STARD3NL: variants seen among roughly 807,000 people sequenced by gnomAD.
The protein encoded by STARD3NL is STARD3 N-terminal like.
Under a neutral mutation model 30.9 loss-of-function variants are expected in STARD3NL, and 17 were observed. The observed-to-expected ratio is 0.55, with a 90% CI of 0.38 to 0.82. The LOEUF is 0.82. STARD3NL is among the 40% of genes least tolerant of loss of function. The pLI is 0.00. For synonymous variants in STARD3NL, 112 were observed against 100.5 expected, an observed-to-expected ratio of 1.11 and a Z score of -0.69; for missense variants, 234 against 277.6, an observed-to-expected ratio of 0.84 and a Z score of 1.12.
At chr7:38,204,147 T>C (rs1785326680) in intron 1 of STARD3NL, among the ~76,000 whole-genome samples, 1 of 152,218 alleles carries the variant, frequency 6.6e-6, no homozygotes, top group South Asian at 2.1e-4. Context: ...AATAGACGTC[T>C]ACAGAACTCT....
At chr7:38,229,166 T>C in intron 8 of STARD3NL, among the ~76,000 whole-genome samples, 1 of 152,272 alleles carries the variant, frequency 6.6e-6, no homozygotes, top group South Asian at 2.1e-4. Flanking sequence ...TGTCATTGTT[T>C]TAATGACAGG....
At chr7:38,218,169 C>T (rs1307516903) in intron 6 of STARD3NL, among the ~76,000 whole-genome samples, 1 of 152,124 alleles carries the variant, frequency 6.6e-6, no homozygotes, top group East Asian at 1.9e-4. Context: ...AGTTTCAAGA[C>T]ATGCTGTTTT....
At chr7:38,221,903 C>T (rs936801661) in intron 7 of STARD3NL, among the ~76,000 whole-genome samples, 10 of 152,190 alleles carry the variant, frequency 6.6e-5, no homozygotes, top group African/African-American at 2.4e-4. Context: ...ATCTCCTCTG[C>T]AATCCTAGTG....
chr7:38,224,421 A>G (rs929987081), intron 7 of STARD3NL, among the ~76,000 whole-genome samples: 2 of 152,210 alleles, frequency 1.3e-5, no homozygotes, highest in African/African-American at 2.4e-5. Flanking sequence ...GTTCCCTCCA[A>G]TAATGTACAG....
chr7:38,215,132 A>G, intron 4 of STARD3NL, 27 bp downstream of exon 4: 6 of 1,610,262 alleles, frequency 3.7e-6, no homozygotes, highest in Non-Finnish European at 2.5e-6. Context: ...TGAGTGGGTC[A>G]TCTCCTCCAG....
At chr7:38,214,878 G>A in intron 3 of STARD3NL, 150 bp from the exon 4 acceptor site, 1 of 640,518 alleles carries the variant, frequency 1.6e-6, no homozygotes, top group Non-Finnish European at 2.7e-6. Flanking sequence ...GTAGAGCAGG[G>A]ATTCCCAAAT....
Position 38,215,037 on chromosome 7 carries a change from G to GT in STARD3NL, c.318dup (p.Arg107SerfsTer3). 1 of 1,613,844 alleles carries GT rather than the reference G, an allele frequency of 6.2e-7. No individual in the cohort carries two copies. Among genetic ancestry groups the GT allele is most frequent in the Non-Finnish European group, 8.5e-7 (1 of 1,179,870 alleles). On this transcript the variant is annotated frameshift_variant, in exon 4 of 9. Coordinates refer to ENST00000009041, the MANE Select transcript of STARD3NL (RefSeq NM_032016.4). LOFTEE classifies it high-confidence loss of function. ...ATTTTCTTACTTTCAGCTTCTGGCAGTTTTTCGATTTAAAGTGTTAATACT... is the reference window on the plus strand; with the variant it reads ...ATTTTCTTACTTTCAGCTTCTGGCAGTTTTTTCGATTTAAAGTGTTAATACT...
Position 38,207,542 on chromosome 7 carries a change from C to T in STARD3NL, c.38C>T (p.Thr13Ile), listed in dbSNP as rs1475102061. ...CCAGAAGACATGGAGAACGCTCTCA[C>T]CGGGAGCCAGAGCTCCCATGCTTCT... ...HLPEDMENAL[T>I]GSQSSHASLR... The change falls in exon 2 of 9, where the codon ACC becomes ATC. Residue 13 changes from threonine (T) to isoleucine (I), a missense_variant. Coordinates refer to ENST00000009041, the MANE Select transcript of STARD3NL (RefSeq NM_032016.4). The T allele has an allele frequency of 1.2e-6, 2 of 1,614,008 alleles. No homozygotes were observed. Among genetic ancestry groups the T allele is most frequent in the Non-Finnish European group, 1.7e-6 (2 of 1,179,944 alleles).
At chr7:38,197,659 T>C (rs1401680592) in intron 1 of STARD3NL, among the ~76,000 whole-genome samples, 1 of 152,224 alleles carries the variant, frequency 6.6e-6, no homozygotes. Flanking sequence ...TTCCAGGTCT[T>C]GTTAGCATGC....
intron 1 of STARD3NL, among the ~76,000 whole-genome samples, chr7:38,204,035 G>A (rs1237698746): frequency 6.6e-6 from 1 of 152,106 alleles, no homozygotes; most frequent in Non-Finnish European, 1.5e-5. Flanking sequence ...CAATAATAAT[G>A]GGAGATTTTA....
chr7:38,200,416 A>G (rs533206280), intron 1 of STARD3NL, among the ~76,000 whole-genome samples: 1 of 151,612 alleles, frequency 6.6e-6, no homozygotes, highest in African/African-American at 2.4e-5. Context: ...CATTTAACCT[A>G]TATATTTTTT....
At chr7:38,212,331 T>C (rs141485811) in intron 2 of STARD3NL, among the ~76,000 whole-genome samples, 42 of 152,330 alleles carry the variant, frequency 2.8e-4, no homozygotes, top group African/African-American at 9.6e-4. Flanking sequence ...CTTGGGACCC[T>C]TCTACTAGTT....
intron 1 of STARD3NL, among the ~76,000 whole-genome samples, chr7:38,189,399 G>C (rs892857912): frequency 2.6e-5 from 4 of 152,192 alleles, no homozygotes; most frequent in African/African-American, 9.6e-5. Flanking sequence ...TAATAAGTCA[G>C]CCATGTGAAT....
In STARD3NL at chr7:38,207,518, C is replaced by T. The variant is rs766409769; in HGVS notation, c.14C>T (p.Pro5Leu). ...CCCTCCTCCAGGATGAACCACCTGC[C>T]AGAAGACATGGAGAACGCTCTCACC... is the stretch of plus-strand genomic sequence containing the variant. MNHLPEDMENALTGS... is the reference protein window; with the variant it reads MNHLLEDMENALTGS... The change falls in exon 2 of 9, where the codon CCA becomes CTA. Residue 5 changes from proline (P) to leucine (L), a missense_variant. Transcript: ENST00000009041. The T allele has an allele frequency of 2.0e-5, 33 of 1,613,784 alleles. No individual in the cohort carries two copies. The highest frequency in any genetic ancestry group is 3.3e-5 in the South Asian group (3 of 91,074).
intron 4 of STARD3NL, chr7:38,216,490 T>TGTGTGAGTGC (rs1562620608): frequency 6.5e-6 from 1 of 153,674 alleles, no homozygotes; most frequent in African/African-American, 2.5e-5. Context: ...TGTGAGTGTG[T>TGTGTGAGTGC]GTGTGTGTGT....
In STARD3NL at chr7:38,230,514, C is replaced by G. The variant is rs10945; in HGVS notation, c.*609C>G. On this transcript the variant is annotated 3_prime_UTR_variant, in exon 9 of 9. Coordinates refer to ENST00000009041, the MANE Select transcript of STARD3NL (RefSeq NM_032016.4). ...ATTGCGAATACATGTAAAATGTCAC[C>G]AGACATTTGTATTATTTTTATCATG... 0.15 allele frequency: 22,119 copies of G among 152,254 alleles called. 2,005 individuals carry two copies. Among genetic ancestry groups the G allele is most frequent in the East Asian group, 0.3 (1,529 of 5,174 alleles). The allele number at this position is 152,254 out of a possible 1,614,324, so 9.4% of individuals were successfully genotyped here.
At chr7:38,197,136 T>TTTTCTTTTTCTTTCTTTC in intron 1 of STARD3NL, among the ~76,000 whole-genome samples, 1 of 112,380 alleles carries the variant, frequency 8.9e-6, no homozygotes, top group Non-Finnish European at 1.8e-5. Flanking sequence ...GCATTACCTT[T>TTTTCTTTTTCTTTCTTTC]TTTCTTTCTT....
At chr7:38,210,611 T>C (rs1785742123) in intron 2 of STARD3NL, among the ~76,000 whole-genome samples, 1 of 152,186 alleles carries the variant, frequency 6.6e-6, no homozygotes, top group Non-Finnish European at 1.5e-5. Flanking sequence ...GGTCCACCTT[T>C]GAGTAGACTG....
At chr7:38,201,011 T>C (rs935212944) in intron 1 of STARD3NL, among the ~76,000 whole-genome samples, 1 of 152,214 alleles carries the variant, frequency 6.6e-6, no homozygotes, top group African/African-American at 2.4e-5. Context: ...CTCAAAAAAT[T>C]AATTCTAGAA....
Sources: allele counts gnomAD v4.1 joint callset (sites outside exome capture counted in the v4.1 genomes callset), GRCh38; gene constraint gnomAD v4.1.1; transcripts MANE v1.5; gene names NCBI Gene and HGNC (gene_info 2026-07-23, HGNC 2026-07-21).